RBL2: variants seen among roughly 807,000 people sequenced by gnomAD.
The protein encoded by RBL2 is RB transcriptional corepressor like 2, also known as retinoblastoma-like protein 2.
A neutral mutation model predicts 126.0 loss-of-function variants in RBL2; 56 were observed. The ratio of observed to expected loss-of-function variants is 0.44; its 90% CI spans 0.36 to 0.56. The LOEUF (loss-of-function observed/expected upper bound fraction) is 0.56, where lower values mean the gene tolerates loss of function less well. Ranked by LOEUF, RBL2 falls within the 20% of genes least tolerant of loss-of-function variation. RBL2 has a pLI of 0.00. For missense variants in RBL2, 1,229 were observed against 1,398.2 expected, an observed-to-expected ratio of 0.88 and a Z score of 1.93; for synonymous variants, 454 against 478.5, an observed-to-expected ratio of 0.95 and a Z score of 0.67.
chr16:53,449,758 A>G (rs2058096533), intron 4 of RBL2, among the ~76,000 whole-genome samples: 1 of 152,272 alleles, frequency 6.6e-6, no homozygotes, highest in East Asian at 1.9e-4. Context: ...CAAATAAGCC[A>G]ACTCTGGAGA....
At chr16:53,465,266 T>C (rs1397867583) in intron 12 of RBL2, among the ~76,000 whole-genome samples, 172 bp from the exon 13 acceptor site, 3 of 152,226 alleles carry the variant, frequency 2.0e-5, no homozygotes, top group Non-Finnish European at 2.9e-5. Flanking sequence ...CATCACAATG[T>C]AAACCATTTT....
Position 53,453,617 on chromosome 16 carries a change from G to A in RBL2, c.927+5G>A. On this transcript the variant is annotated splice_donor_5th_base_variant and intron_variant, in intron 6 of 21. Coordinates refer to ENST00000262133, the MANE Select transcript of RBL2 (RefSeq NM_005611.4). ...AGGAAACTTTATGAAAAAAAGGTTTGTAAGTAGCAAAGAAATAACGTGAAA... is the reference window on the plus strand; with the variant it reads ...AGGAAACTTTATGAAAAAAAGGTTTATAAGTAGCAAAGAAATAACGTGAAA... 1.9e-6 allele frequency: 3 copies of A among 1,605,976 alleles called. No homozygotes were observed. Among genetic ancestry groups the A allele is most frequent in the Non-Finnish European group, 2.6e-6 (3 of 1,176,178 alleles).
intron 3 of RBL2, among the ~76,000 whole-genome samples, chr16:53,444,552 T>TA: frequency 7.0e-6 from 1 of 143,352 alleles, no homozygotes; most frequent in South Asian, 2.2e-4. Context: ...GACTCCATTT[T>TA]AATAAATAAA....
At chr16:53,490,038 G>A (rs372011402) in intron 21 of RBL2, 92 bp from the exon 22 acceptor site, 1 of 976,852 alleles carries the variant, frequency 1.0e-6, no homozygotes, top group Non-Finnish European at 1.4e-6. Context: ...CTCTTCCAGG[G>A]TAAACTGCTT....
intron 8 of RBL2, among the ~76,000 whole-genome samples, chr16:53,458,357 GT>G (rs1281448126): frequency 6.6e-6 from 1 of 152,206 alleles, no homozygotes; most frequent in Non-Finnish European, 1.5e-5. Flanking sequence ...TCAGAAAGAT[GT>G]TTTACTGGCT....
rs993584591 is a variant in RBL2, at chr16:53,469,857, G to A, written c.1976-59G>A. ...TATTTTTTAACATAAGAGCTTGGAC[G>A]GAAGTCAGATCTGAGTCTCCTTGAG... On this transcript the variant is annotated intron_variant, in intron 14 of 21. Transcript: ENST00000262133. 2.2e-5 allele frequency: 32 copies of A among 1,474,518 alleles called. 2 individuals are homozygous for A. The Middle Eastern group carries it at 5.4e-4, about 25-fold the overall frequency. 91.3% of individuals were successfully genotyped at this position (1,474,518 alleles called of 1,614,324 possible). A position where few individuals can be genotyped will look rare whatever the true frequency, so the allele number is the denominator to read the frequency against.
At chr16:53,469,871 A>G in intron 14 of RBL2, 45 bp from the exon 15 acceptor site, 1 of 1,496,776 alleles carries the variant, frequency 6.7e-7, no homozygotes, top group African/African-American at 1.4e-5. Context: ...GTCAGATCTG[A>G]GTCTCCTTGA....
intron 21 of RBL2, among the ~76,000 whole-genome samples, chr16:53,485,236 A>G (rs1006835772): frequency 7.2e-5 from 11 of 152,226 alleles, no homozygotes; most frequent in African/African-American, 1.9e-4. Context: ...CACTATCACA[A>G]TGGCATTAAA....
chr16:53,473,603 A>G lies in RBL2; in HGVS notation c.2703+2681A>G, dbSNP rs543710737. On this transcript the variant is annotated intron_variant, in intron 17 of 21. Transcript: ENST00000262133. ...GTAGGAAATCATGTAATCTGCTTAT[A>G]ATTTTACTTCTTGTCCAAACTGGAT... 1.3e-4 allele frequency among the ~76,000 whole-genome samples: 20 copies of G among 151,692 alleles called. No individual in the cohort carries two copies. In the East Asian group the frequency reaches 2.5e-3, roughly 19 times the overall value.
chr16:53,453,697 C>T lies in RBL2; in HGVS notation c.928-8C>T. 1.2e-6 allele frequency: 2 copies of T among 1,607,194 alleles called. No homozygotes were observed. The highest frequency in any genetic ancestry group is 8.5e-7 in the Non-Finnish European group (1 of 1,177,438). On this transcript the variant is annotated splice_polypyrimidine_tract_variant and splice_region_variant and intron_variant, in intron 6 of 21. Transcript: ENST00000262133. Reference sequence around the variant, plus strand: ...ATGACGACTTAAGGATCTCTTCTTTCATCATAGCTCCTTAAGGGAAAAGAA... The same window carrying T: ...ATGACGACTTAAGGATCTCTTCTTTTATCATAGCTCCTTAAGGGAAAAGAA...
At chr16:53,438,953 A>T (rs2072130427) in intron 1 of RBL2, 63 bp from the exon 2 acceptor site, 1 of 1,173,804 alleles carries the variant, frequency 8.5e-7, no homozygotes, top group African/African-American at 1.6e-5. Flanking sequence ...ACATACTTTT[A>T]AAAATATTGA....
intron 21 of RBL2, among the ~76,000 whole-genome samples, chr16:53,482,287 C>G (rs777971920): frequency 4.6e-5 from 7 of 152,182 alleles, no homozygotes; most frequent in South Asian, 2.1e-4. Context: ...TATGTGGCAA[C>G]AGCCACCTCA....
intron 4 of RBL2, among the ~76,000 whole-genome samples, chr16:53,449,891 A>G (rs906112586): frequency 4.0e-5 from 6 of 150,906 alleles, no homozygotes; most frequent in African/African-American, 1.5e-4. Context: ...GAGTCCTAGA[A>G]TTTAATTTAA....
chr16:53,466,143 G>C (rs950650141), intron 13 of RBL2: 1 of 152,214 alleles, frequency 6.6e-6, no homozygotes. Context: ...CCTTAAGTAA[G>C]GTAGGTGACC....
Position 53,442,758 on chromosome 16 carries a change from G to C in RBL2, c.472G>C (p.Val158Leu), listed in dbSNP as rs1405128205. The C allele has an allele frequency of 3.1e-6, 5 of 1,612,852 alleles. No homozygotes were observed. The South Asian group carries it at 5.5e-5, about 18-fold the overall frequency. Residue 158 changes from valine (V) to leucine (L), a missense_variant, in exon 3 of 22, where the codon GTT becomes CTT. Transcript: ENST00000262133. The part of the protein sequence containing the change: ...RTERLERNFT[V>L]SAVIFKKYEP... ...TGAGAGATTAGAAAGAAACTTCACT[G>C]TTTCTGCTGTAATTTTTAAGAAATA...
chr16:53,476,975 C>T (rs561716375), intron 17 of RBL2, among the ~76,000 whole-genome samples: 132 of 152,246 alleles, frequency 8.7e-4, no homozygotes, highest in Non-Finnish European at 1.1e-3. Flanking sequence ...TCATGTCTTT[C>T]CCTTTGCCTT....
At position 53,485,966 on chromosome 16, in the gene RBL2, A is replaced by G. The variant is rs145393105; in HGVS notation, c.3249+4131A>G. ...GGAAAAGAAATGACACATTACTAGT[A>G]TACATTAAAAGTATAATGAAAGATA... On this transcript the variant is annotated intron_variant, in intron 21 of 21. Coordinates refer to ENST00000262133, the MANE Select transcript of RBL2 (RefSeq NM_005611.4). Among the ~76,000 whole-genome samples, 924 of 152,216 alleles carry G rather than the reference A, an allele frequency of 6.1e-3. 9 individuals are homozygous for G. Among genetic ancestry groups the G allele is most frequent in the African/African-American group, 0.021 (887 of 41,540 alleles).
chr16:53,465,297 T>C (rs1169770367), intron 12 of RBL2, 141 bp from the exon 13 acceptor site: 8 of 536,610 alleles, frequency 1.5e-5, no homozygotes, highest in South Asian at 1.8e-4. Flanking sequence ...TAGTTTGAAC[T>C]ATAATTATTT....
Position 53,438,929 on chromosome 16 carries a change from C to A in RBL2, c.241-87C>A. 1.0e-5 allele frequency: 7 copies of A among 691,856 alleles called. No homozygotes were observed. The South Asian group carries it at 1.6e-4, about 16-fold the overall frequency. 42.9% of individuals were successfully genotyped at this position (691,856 alleles called of 1,614,324 possible). A position where few individuals can be genotyped will look rare whatever the true frequency, so the allele number is the denominator to read the frequency against. ...AAGTTTCCCACAAAAATATAAACAA[C>A]ACTTTCAATTTAAACATACTTTTAA... On this transcript the variant is annotated intron_variant, in intron 1 of 21. Coordinates refer to ENST00000262133, the MANE Select transcript of RBL2 (RefSeq NM_005611.4).
Sources: allele counts gnomAD v4.1 joint callset (sites outside exome capture counted in the v4.1 genomes callset), GRCh38; gene constraint gnomAD v4.1.1; transcripts MANE v1.5; gene names NCBI Gene and HGNC (gene_info 2026-07-23, HGNC 2026-07-21).